Variants in NMNAT2 observed in about 807,000 individuals in gnomAD.
NMNAT2 encodes nicotinamide nucleotide adenylyltransferase 2.
In NMNAT2, 11 loss-of-function variants were observed where a neutral mutation model predicts 41.6. That is an observed-to-expected ratio of 0.26 (90% CI 0.17 to 0.44). The LOEUF (loss-of-function observed/expected upper bound fraction) is 0.44. Ranked by LOEUF, NMNAT2 falls within the 20% of genes least tolerant of loss-of-function variation. NMNAT2 has a pLI of 1.00. For synonymous variants in NMNAT2, 148 were observed against 151.2 expected (o/e 0.98, Z 0.16); for missense variants, 288 against 407.7 (o/e 0.71, Z 2.53).
chr1:183,393,648 C>A (rs530483095), intron 1 of NMNAT2, among the ~76,000 whole-genome samples: 2 of 152,210 alleles, frequency 1.3e-5, no homozygotes, highest in African/African-American at 4.8e-5. Context: ...CTCTGCCTCC[C>A]GGGTTCAAGC....
At chr1:183,310,405 T>C (rs1194352339) in intron 1 of NMNAT2, among the ~76,000 whole-genome samples, 1 of 152,200 alleles carries the variant, frequency 6.6e-6, no homozygotes, top group Non-Finnish European at 1.5e-5. Flanking sequence ...ATGCCTCTGA[T>C]ATAAAATCAT....
At position 183,279,433 on chromosome 1, in the gene NMNAT2, G is replaced by A. The variant is rs967681164; in HGVS notation, c.575-804C>T. On this transcript the variant is annotated intron_variant, in intron 7 of 10. Coordinates refer to ENST00000287713, the MANE Select transcript of NMNAT2 (RefSeq NM_015039.4). Reference sequence around the variant, plus strand: ...GTGGAGCACAGCGTGGCTCCCAGGCGTTCCAGGCCCTCTCATCAAGAGGCC... The same window carrying A: ...GTGGAGCACAGCGTGGCTCCCAGGCATTCCAGGCCCTCTCATCAAGAGGCC... Among the ~76,000 whole-genome samples, 6 of 152,192 alleles carry A rather than the reference G, an allele frequency of 3.9e-5. No homozygotes were observed. In the East Asian group the frequency reaches 5.8e-4, roughly 15 times the overall value.
chr1:183,365,833 G>C (rs955248987), intron 1 of NMNAT2, among the ~76,000 whole-genome samples: 1 of 152,146 alleles, frequency 6.6e-6, no homozygotes, highest in Non-Finnish European at 1.5e-5. Context: ...CTCCCTGGGG[G>C]ACACTTGTCA....
intron 10 of NMNAT2, among the ~76,000 whole-genome samples, chr1:183,253,911 G>A (rs1247477620): frequency 3.3e-5 from 3 of 90,848 alleles, no homozygotes; most frequent in African/African-American, 1.6e-4. Flanking sequence ...TTCCGTGTGT[G>A]TGTGTGTGTG....
At position 183,288,372 on chromosome 1, in the gene NMNAT2, G is replaced by C. The variant is rs114115160; in HGVS notation, c.322-1584C>G. Among the ~76,000 whole-genome samples, 965 of 152,314 alleles carry C rather than the reference G, an allele frequency of 6.3e-3. 10 individuals are homozygous for C. Among genetic ancestry groups the C allele is most frequent in the African/African-American group, 0.023 (941 of 41,562 alleles). On this transcript the variant is annotated intron_variant, in intron 4 of 10. Coordinates refer to ENST00000287713, the MANE Select transcript of NMNAT2 (RefSeq NM_015039.4). ...AACACCTGCCTCATGCTTGCTAGGT[G>C]TTTGAAGGCTGAGAGTTCTTAGGAA... is the stretch of plus-strand genomic sequence containing the variant.
At chr1:183,284,100 A>C in intron 6 of NMNAT2, 61 bp from the exon 7 acceptor site, 9 of 1,315,930 alleles carry the variant, frequency 6.8e-6, no homozygotes, top group East Asian at 2.6e-5. Flanking sequence ...CCCAACACAC[A>C]GTCTGCCTGA....
intron 1 of NMNAT2, among the ~76,000 whole-genome samples, chr1:183,333,861 C>G (rs1662632073): frequency 6.6e-6 from 1 of 152,176 alleles, no homozygotes; most frequent in Non-Finnish European, 1.5e-5. Flanking sequence ...TAAATGCTGC[C>G]ATTAGCTCTG....
intron 1 of NMNAT2, among the ~76,000 whole-genome samples, chr1:183,331,199 G>A (rs776472951): frequency 6.2e-4 from 95 of 152,126 alleles, no homozygotes; most frequent in Admixed American, 2.8e-3. Context: ...GGTGGCCGTG[G>A]CGCACTGAGC....
chr1:183,345,432 T>G (rs1662905816), intron 1 of NMNAT2, among the ~76,000 whole-genome samples: 1 of 152,222 alleles, frequency 6.6e-6, no homozygotes, highest in Non-Finnish European at 1.5e-5. Flanking sequence ...TCTGCTCTCA[T>G]GAATGGATTA....
intron 1 of NMNAT2, among the ~76,000 whole-genome samples, chr1:183,359,379 C>G (rs1663260373): frequency 6.6e-6 from 1 of 152,068 alleles, no homozygotes; most frequent in South Asian, 2.1e-4. Flanking sequence ...ACTGCCCACC[C>G]AAGAGATAGA....
intron 1 of NMNAT2, among the ~76,000 whole-genome samples, chr1:183,315,778 T>TAAAAAAAAAA (rs11454305): frequency 7.9e-6 from 1 of 125,920 alleles, no homozygotes; most frequent in African/African-American, 3.0e-5. Context: ...AGACTCCGTG[T>TAAAAAAAAAA]AAAAAAAAAA....
In NMNAT2 at chr1:183,304,971, C is replaced by T. The variant is rs533492328; in HGVS notation, c.86-11178G>A. ...GCTGAGAGAACCTCTCATATGCTCCCGCTTGTAGGAGCCACTCCGGAAGTG... is the reference window on the plus strand; with the variant it reads ...GCTGAGAGAACCTCTCATATGCTCCTGCTTGTAGGAGCCACTCCGGAAGTG... On this transcript the variant is annotated intron_variant, in intron 1 of 10. Coordinates refer to ENST00000287713, the MANE Select transcript of NMNAT2 (RefSeq NM_015039.4). The T allele has an allele frequency of 1.6e-5, 16 of 979,554 alleles. No homozygotes were observed. In the Admixed American group the frequency reaches 2.0e-4, roughly 12 times the overall value. 60.7% of individuals were successfully genotyped at this position (979,554 alleles called of 1,614,324 possible).
chr1:183,293,840 A>T lies in NMNAT2; in HGVS notation c.86-47T>A, dbSNP rs1409060366. Reference sequence around the variant, plus strand: ...CACATTATAAAGAGGAAAGGCATGGATTAAAGGTGATAATTGAAATCAATA... The same window carrying T: ...CACATTATAAAGAGGAAAGGCATGGTTTAAAGGTGATAATTGAAATCAATA... On this transcript the variant is annotated intron_variant, in intron 1 of 10. Coordinates refer to ENST00000287713, the MANE Select transcript of NMNAT2 (RefSeq NM_015039.4). 6.8e-6 allele frequency: 9 copies of T among 1,326,718 alleles called. No individual in the cohort carries two copies. In the Admixed American group the frequency reaches 1.5e-4, roughly 22 times the overall value. The allele number at this position is 1,326,718 out of a possible 1,614,324, so 82.2% of individuals were successfully genotyped here.
intron 1 of NMNAT2, among the ~76,000 whole-genome samples, chr1:183,412,367 G>T (rs1472328745): frequency 1.3e-5 from 2 of 152,224 alleles, no homozygotes; most frequent in Non-Finnish European, 2.9e-5. Flanking sequence ...GGGACTACAG[G>T]CATGTGCCAC....
rs75385750 is a variant in NMNAT2 at position 183,319,312 on chromosome 1, C to T, written c.86-25519G>A. Among the ~76,000 whole-genome samples, 174 of 152,368 alleles carry T rather than the reference C, an allele frequency of 1.1e-3. 2 individuals are homozygous for T. In the East Asian group the frequency reaches 0.027, roughly 24 times the overall value. ...AAGTCCTGCCCTGGAGGCATTTACACACCAGTCAGACTTATAAACACCAGA... is the reference window on the plus strand; with the variant it reads ...AAGTCCTGCCCTGGAGGCATTTACATACCAGTCAGACTTATAAACACCAGA... On this transcript the variant is annotated intron_variant, in intron 1 of 10. Transcript: ENST00000287713.
chr1:183,308,722 A>C (rs1277487118), intron 1 of NMNAT2, among the ~76,000 whole-genome samples: 1 of 152,234 alleles, frequency 6.6e-6, no homozygotes, highest in Non-Finnish European at 1.5e-5. Context: ...CTGTGAGTCT[A>C]AAGTAACTTC....
chr1:183,280,973 T>TG (rs1395706596), intron 7 of NMNAT2, among the ~76,000 whole-genome samples: 2 of 151,132 alleles, frequency 1.3e-5, no homozygotes, highest in African/African-American at 4.9e-5. Flanking sequence ...TTAGTAGAGA[T>TG]GGGGTTTCTC....
chr1:183,386,462 G>A (rs1437082813), intron 1 of NMNAT2, among the ~76,000 whole-genome samples: 1 of 152,112 alleles, frequency 6.6e-6, no homozygotes, highest in Non-Finnish European at 1.5e-5. Flanking sequence ...AAGTTTGAGT[G>A]TTTATAGAAA....
At chr1:183,408,834 CTTAATT>C (rs1386739098) in intron 1 of NMNAT2, among the ~76,000 whole-genome samples, 1 of 151,922 alleles carries the variant, frequency 6.6e-6, no homozygotes, top group African/African-American at 2.4e-5. Flanking sequence ...TATTTATTGT[CTTAATT>C]TTAATTTAAA....
Sources: gnomAD v4.1 joint callset for allele counts (sites outside exome capture counted in the v4.1 genomes callset) on GRCh38, gnomAD v4.1.1 for gene constraint, MANE v1.5 for transcripts, NCBI Gene and HGNC (gene_info 2026-07-23, HGNC 2026-07-21) for gene names.